Variants in KCNN2 observed in about 807,000 individuals in gnomAD.
The protein encoded by KCNN2 is small conductance calcium-activated potassium channel protein 2.
In KCNN2, 24 loss-of-function variants were observed where a neutral mutation model predicts 55.5. The ratio of observed to expected loss-of-function variants is 0.43; its 90% CI spans 0.31 to 0.61. The LOEUF (loss-of-function observed/expected upper bound fraction) is 0.61, where lower values mean the gene tolerates loss of function less well. KCNN2 is among the 20% of genes least tolerant of loss of function. The pLI is 0.08. For synonymous variants in KCNN2, 431 were observed against 336.1 expected (o/e 1.28, Z -3.09); for missense variants, 754 against 853.6 (o/e 0.88, Z 1.45).
At position 114,487,652 on chromosome 5, in the gene KCNN2, AT is replaced by A; in HGVS notation, c.2018+479del. Among the ~76,000 whole-genome samples the A allele has an allele frequency of 2.0e-5, 3 of 152,230 alleles. No homozygotes were observed. The South Asian group carries it at 6.2e-4, about 32-fold the overall frequency. On this transcript the variant is annotated intron_variant, in intron 6 of 7. Transcript: ENST00000673685. ...GTAGACCTTTTACTCTCTTATCATT[AT>A]TTTAACTTTATCCAGACCACTATTA...
At chr5:114,413,527 A>ATT (rs1366991850) in intron 3 of KCNN2, among the ~76,000 whole-genome samples, 1 of 152,104 alleles carries the variant, frequency 6.6e-6, no homozygotes, top group Non-Finnish European at 1.5e-5. Flanking sequence ...ACCTCAGGTG[A>ATT]TTTGCCCACT....
At chr5:114,211,004 C>A (rs749301472) in intron 1 of KCNN2, among the ~76,000 whole-genome samples, 17 of 151,848 alleles carry the variant, frequency 1.1e-4, no homozygotes, top group Non-Finnish European at 2.5e-4. Flanking sequence ...CAAATCAAAA[C>A]AACAAGATAC....
At chr5:114,275,922 G>A (rs902882908) in intron 2 of KCNN2, among the ~76,000 whole-genome samples, 1 of 151,946 alleles carries the variant, frequency 6.6e-6, no homozygotes, top group Non-Finnish European at 1.5e-5. Context: ...TGTGAGGTTA[G>A]GGTGTCGATT....
At chr5:114,283,174 T>G (rs1487906297) in intron 2 of KCNN2, among the ~76,000 whole-genome samples, 1 of 152,140 alleles carries the variant, frequency 6.6e-6, no homozygotes, top group Non-Finnish European at 1.5e-5. Context: ...CTTCTGAAAC[T>G]CAAATTTAAT....
chr5:114,374,886 T>G (rs76725408), intron 2 of KCNN2, among the ~76,000 whole-genome samples: 1 of 152,256 alleles, frequency 6.6e-6, no homozygotes, highest in African/African-American at 2.4e-5. Flanking sequence ...GATTATCTGG[T>G]TTTAAGATGG....
intron 1 of KCNN2, among the ~76,000 whole-genome samples, chr5:114,149,601 A>G (rs1314819115): frequency 6.6e-6 from 1 of 152,180 alleles, no homozygotes; most frequent in Non-Finnish European, 1.5e-5. Context: ...TGAGATGGTC[A>G]CATGGGAATG....
chr5:114,420,090 T>G (rs1344731884), intron 3 of KCNN2, among the ~76,000 whole-genome samples: 1 of 152,246 alleles, frequency 6.6e-6, no homozygotes, highest in Non-Finnish European at 1.5e-5. Flanking sequence ...TCTCCTAGAT[T>G]TTAACTTCAT....
chr5:114,346,743 A>G (rs1190421531), intron 2 of KCNN2, among the ~76,000 whole-genome samples: 2 of 147,370 alleles, frequency 1.4e-5, no homozygotes, highest in East Asian at 4.1e-4. Context: ...CTTTGTATGC[A>G]TATGTTGGTT....
intron 1 of KCNN2, among the ~76,000 whole-genome samples, chr5:114,138,384 GA>G (rs1752212435): frequency 6.6e-6 from 1 of 152,098 alleles, no homozygotes; most frequent in Non-Finnish European, 1.5e-5. Flanking sequence ...TTGATACCTA[GA>G]GGGGTTTAAT....
intron 1 of KCNN2, among the ~76,000 whole-genome samples, chr5:114,138,447 G>A (rs1336289441): frequency 6.6e-6 from 1 of 152,038 alleles, no homozygotes; most frequent in Non-Finnish European, 1.5e-5. Context: ...CATTTCATCT[G>A]CACATTTTTA....
intron 2 of KCNN2, among the ~76,000 whole-genome samples, chr5:114,323,595 A>T (rs1204022776): frequency 1.3e-5 from 2 of 150,478 alleles, no homozygotes; most frequent in Admixed American, 1.3e-4. Flanking sequence ...TTTGGAAAAC[A>T]TGACAGAAAC....
intron 2 of KCNN2, among the ~76,000 whole-genome samples, chr5:114,243,731 A>G (rs1012455992): frequency 1.3e-5 from 2 of 152,204 alleles, no homozygotes; most frequent in Non-Finnish European, 2.9e-5. Flanking sequence ...AAAACATAGT[A>G]TATACAAGGT....
chr5:114,257,312 T>A (rs1365333346), intron 2 of KCNN2, among the ~76,000 whole-genome samples: 1 of 152,178 alleles, frequency 6.6e-6, no homozygotes, highest in Non-Finnish European at 1.5e-5. Flanking sequence ...GCTTTGTTCT[T>A]TTTCTTAGGA....
Position 114,496,434 on chromosome 5 carries a change from G to A in KCNN2, c.*252G>A. On this transcript the variant is annotated 3_prime_UTR_variant, in exon 8 of 8. Coordinates refer to ENST00000673685, the MANE Select transcript of KCNN2 (RefSeq NM_021614.4). ...GTAATTTCACTAACTTTTTATTCAT[G>A]CACTTCAAACAAACTTTACTACTAC... 1 of 405,282 alleles carries A rather than the reference G, an allele frequency of 2.5e-6. No homozygotes were observed. The highest frequency in any genetic ancestry group is 4.4e-6 in the Non-Finnish European group (1 of 229,380). The allele number at this position is 405,282 out of a possible 1,614,324, so 25.1% of individuals were successfully genotyped here.
At chr5:114,273,481 A>T (rs1256895832) in intron 2 of KCNN2, among the ~76,000 whole-genome samples, 1 of 151,608 alleles carries the variant, frequency 6.6e-6, no homozygotes, top group Admixed American at 6.6e-5. Flanking sequence ...CACTCCTACC[A>T]CGTTCCTATT....
chr5:114,192,620 T>A (rs1229128706), intron 1 of KCNN2, among the ~76,000 whole-genome samples: 4 of 151,894 alleles, frequency 2.6e-5, no homozygotes, highest in Non-Finnish European at 5.9e-5. Flanking sequence ...TCTTCGGGAG[T>A]CCCTGAAAGG....
intron 1 of KCNN2, among the ~76,000 whole-genome samples, chr5:114,192,092 G>A (rs970199388): frequency 6.6e-6 from 1 of 152,142 alleles, no homozygotes; most frequent in African/African-American, 2.4e-5. Flanking sequence ...GCCAAGATGT[G>A]CATTTTTAGG....
chr5:114,241,733 CATATAT>C (rs1162781383), intron 2 of KCNN2, among the ~76,000 whole-genome samples: 2 of 53,336 alleles, frequency 3.7e-5, no homozygotes, highest in Non-Finnish European at 6.8e-5. Context: ...TATATATATA[CATATAT>C]ACGTATATAT....
chr5:114,298,766 TA>T (rs1391774345), intron 2 of KCNN2, among the ~76,000 whole-genome samples: 2 of 152,206 alleles, frequency 1.3e-5, no homozygotes, highest in Non-Finnish European at 2.9e-5. Context: ...TTCACTATTT[TA>T]TAAACAAAAA....
Sources: gnomAD v4.1 joint callset for allele counts (sites outside exome capture counted in the v4.1 genomes callset) on GRCh38, gnomAD v4.1.1 for gene constraint, MANE v1.5 for transcripts, NCBI Gene and HGNC (gene_info 2026-07-23, HGNC 2026-07-21) for gene names.